KIF1B: variants seen among roughly 807,000 people sequenced by gnomAD.
The protein encoded by KIF1B is kinesin family member 1B, also known as kinesin-like protein KIF1B.
In KIF1B, 76 loss-of-function variants were observed where a neutral mutation model predicts 241.9. The observed-to-expected ratio is 0.31, with a 90% CI of 0.26 to 0.38. The LOEUF is 0.38. Among genes scored for constraint, KIF1B ranks in the 10% least tolerant of loss-of-function variants. KIF1B has a pLI of 1.00. For missense variants in KIF1B, 1,622 were observed against 2,271.4 expected (o/e 0.71, Z 5.81); for synonymous variants, 750 against 796.7 (o/e 0.94, Z 0.99).
intron 11 of KIF1B, among the ~76,000 whole-genome samples, chr1:10,276,069 C>A (rs531447484): frequency 2.6e-5 from 4 of 151,988 alleles, no homozygotes; most frequent in African/African-American, 9.7e-5. Flanking sequence ...CCTTGCCCAG[C>A]TAATTTTTTT....
intron 1 of KIF1B, among the ~76,000 whole-genome samples, chr1:10,223,244 ACT>A (rs781716352): frequency 1.3e-5 from 2 of 152,226 alleles, no homozygotes; most frequent in Non-Finnish European, 2.9e-5. Context: ...ACAGAGCAAG[ACT>A]CTGTCTCAAA....
chr1:10,287,398 T>C (rs558106729), intron 15 of KIF1B, among the ~76,000 whole-genome samples: 2 of 152,302 alleles, frequency 1.3e-5, no homozygotes, highest in South Asian at 4.1e-4. Context: ...GGTTTCACCA[T>C]GTGAGCCAGC....
At chr1:10,289,177 C>G (rs1329436302) in intron 15 of KIF1B, among the ~76,000 whole-genome samples, 1 of 152,120 alleles carries the variant, frequency 6.6e-6, no homozygotes, top group African/African-American at 2.4e-5. Flanking sequence ...TACTCCTTTT[C>G]CTTCCATTCT....
At chr1:10,352,579 T>G in intron 37 of KIF1B, 52 bp from the exon 38 acceptor site, 1 of 1,444,428 alleles carries the variant, frequency 6.9e-7, no homozygotes, top group Non-Finnish European at 9.7e-7. Context: ...AATGAATTCA[T>G]GTTTTGTTTT....
chr1:10,251,761 T>G (rs1010675674), intron 2 of KIF1B, among the ~76,000 whole-genome samples: 1 of 152,074 alleles, frequency 6.6e-6, no homozygotes, highest in Non-Finnish European at 1.5e-5. Context: ...TATCATTTAT[T>G]TTTTGGCCCT....
intron 48 of KIF1B, 67 bp from the exon 49 acceptor site, chr1:10,376,478 G>T: frequency 6.7e-7 from 1 of 1,486,394 alleles, no homozygotes; most frequent in Non-Finnish European, 9.4e-7. Flanking sequence ...CTCAGAGGGA[G>T]AGGACTGTGA....
At position 10,376,747 on chromosome 1, in the gene KIF1B, C is replaced by T. The variant is rs546490900; in HGVS notation, c.*160C>T. The T allele has an allele frequency of 4.1e-6, 3 of 723,138 alleles. No homozygotes were observed. Among genetic ancestry groups the T allele is most frequent in the Non-Finnish European group, 7.4e-6 (3 of 403,564 alleles). The allele number at this position is 723,138 out of a possible 1,614,324, so 44.8% of individuals were successfully genotyped here. ...CTTTTCTAGCTCTCCCGTTCCCCATCTCCATTGCTCTGTACTCTTTTCTTT... is the reference window on the plus strand; with the variant it reads ...CTTTTCTAGCTCTCCCGTTCCCCATTTCCATTGCTCTGTACTCTTTTCTTT... On this transcript the variant is annotated 3_prime_UTR_variant, in exon 49 of 49. Coordinates refer to ENST00000676179, the MANE Select transcript of KIF1B (RefSeq NM_001365951.3).
chr1:10,328,790 A>G (rs1419532679), intron 27 of KIF1B, among the ~76,000 whole-genome samples: 1 of 152,250 alleles, frequency 6.6e-6, no homozygotes, highest in Non-Finnish European at 1.5e-5. Context: ...GTCCTAGGCC[A>G]TCTCTGTCAC....
intron 4 of KIF1B, among the ~76,000 whole-genome samples, chr1:10,259,153 C>CTT (rs572251659): frequency 6.4e-4 from 85 of 131,866 alleles, no homozygotes; most frequent in South Asian, 1.4e-3. Flanking sequence ...GATTCTCCCT[C>CTT]TTTTTTTTTT....
chr1:10,320,105 A>G lies in KIF1B; in HGVS notation c.2178A>G (p.Glu726=). The G allele has an allele frequency of 6.2e-7, 1 of 1,613,790 alleles. No homozygotes were observed. The highest frequency in any genetic ancestry group is 1.1e-5 in the South Asian group (1 of 91,078). ...KQVETRSLAA[E]TTEEEEEEEE... ...TTGAAACCCGATCTCTGGCTGCAGA[A>G]ACAACTGAAGAGGAGGAAGAAGAGG... The change falls in exon 23 of 49, where the codon GAA becomes GAG. Residue 726 remains glutamate, a synonymous_variant. Transcript: ENST00000676179.
intron 22 of KIF1B, among the ~76,000 whole-genome samples, chr1:10,310,530 CA>C (rs1651022561): frequency 6.6e-6 from 1 of 151,698 alleles, no homozygotes; most frequent in African/African-American, 2.4e-5. Flanking sequence ...GGCCGTGTTC[CA>C]GTCAAACTGT....
At chr1:10,376,238 C>T (rs1258758796) in intron 48 of KIF1B, among the ~76,000 whole-genome samples, 1 of 152,186 alleles carries the variant, frequency 6.6e-6, no homozygotes, top group Admixed American at 6.5e-5. Context: ...ACTCTGGTCA[C>T]ACATGTGCAC....
chr1:10,231,208 CTT>C (rs1170477022), intron 1 of KIF1B, among the ~76,000 whole-genome samples: 1 of 151,898 alleles, frequency 6.6e-6, no homozygotes, highest in Non-Finnish European at 1.5e-5. Context: ...AAAACTCCGT[CTT>C]AAAAAAACAC....
In KIF1B at chr1:10,232,232, AT is replaced by A. The variant is rs991266220; in HGVS notation, c.-79-11del. 1.4e-5 allele frequency: 12 copies of A among 880,192 alleles called. No homozygotes were observed. Among genetic ancestry groups the A allele is most frequent in the Non-Finnish European group, 1.8e-5 (10 of 545,926 alleles). 54.5% of individuals were successfully genotyped at this position (880,192 alleles called of 1,614,324 possible). On this transcript the variant is annotated splice_polypyrimidine_tract_variant and intron_variant, in intron 1 of 48. Coordinates refer to ENST00000676179, the MANE Select transcript of KIF1B (RefSeq NM_001365951.3). ...TTTAATTCTGACTACCTCATATGGA[AT>A]TTTTTTCTTTTCAAAGGAAACTTGG... is the stretch of plus-strand genomic sequence containing the variant.
At chr1:10,264,518 G>A (rs1332278786) in intron 5 of KIF1B, among the ~76,000 whole-genome samples, 1 of 152,166 alleles carries the variant, frequency 6.6e-6, no homozygotes, top group Non-Finnish European at 1.5e-5. Flanking sequence ...AATATATTCC[G>A]GGGATTCAGT....
At chr1:10,358,121 AAG>A (rs921141998) in intron 38 of KIF1B, among the ~76,000 whole-genome samples, 5 of 151,646 alleles carry the variant, frequency 3.3e-5, no homozygotes, top group Admixed American at 6.5e-5. Flanking sequence ...AAAAAAAAGA[AAG>A]AAACTTTTTT....
At position 10,379,036 on chromosome 1, in the gene KIF1B, C is replaced by T. The variant is rs1280616804; in HGVS notation, c.*2449C>T. On this transcript the variant is annotated 3_prime_UTR_variant, in exon 49 of 49. Coordinates refer to ENST00000676179, the MANE Select transcript of KIF1B (RefSeq NM_001365951.3). Reference sequence around the variant, plus strand: ...TTCTATTCAAACCAGCAGGATCTGTCGGTGCTTAGAGATGGCTGCCTGGAC... The same window carrying T: ...TTCTATTCAAACCAGCAGGATCTGTTGGTGCTTAGAGATGGCTGCCTGGAC... 1.3e-5 allele frequency: 3 copies of T among 230,748 alleles called. No individual in the cohort carries two copies. Among genetic ancestry groups the T allele is most frequent in the Admixed American group, 5.7e-5 (1 of 17,674 alleles). The allele number at this position is 230,748 out of a possible 1,614,324, so 14.3% of individuals were successfully genotyped here.
chr1:10,315,827 G>A lies in KIF1B; in HGVS notation c.2116-4216G>A, dbSNP rs187392235. 1.1e-4 allele frequency among the ~76,000 whole-genome samples: 17 copies of A among 151,150 alleles called. No individual in the cohort carries two copies. The East Asian group carries it at 2.7e-3, about 24-fold the overall frequency. The stretch of plus-strand genomic sequence containing the variant: ...TCCCAGCGCTTTGGGAGGCCGAGAC[G>A]GGTGGATCACCTGAGGTCAGGAGTT... On this transcript the variant is annotated intron_variant, in intron 22 of 48. Coordinates refer to ENST00000676179, the MANE Select transcript of KIF1B (RefSeq NM_001365951.3).
intron 38 of KIF1B, among the ~76,000 whole-genome samples, chr1:10,353,288 T>C (rs1268158533): frequency 6.6e-6 from 1 of 152,242 alleles, no homozygotes; most frequent in Admixed American, 6.5e-5. Context: ...ATGACCAAGA[T>C]TGGCTGCCAT....
Sources: allele counts gnomAD v4.1 joint callset (sites outside exome capture counted in the v4.1 genomes callset), GRCh38; gene constraint gnomAD v4.1.1; transcripts MANE v1.5; gene names NCBI Gene and HGNC (gene_info 2026-07-23, HGNC 2026-07-21).